SYNJ2: variants seen among roughly 807,000 people sequenced by gnomAD.
The protein encoded by SYNJ2 is synaptojanin 2, also known as polyphosphatidylinositol phosphatase SYNJ2.
A neutral mutation model predicts 141.3 loss-of-function variants in SYNJ2; 116 were observed. That is an observed-to-expected ratio of 0.82 (90% confidence interval 0.71 to 0.96). The LOEUF is 0.96. Ranked by LOEUF, SYNJ2 falls within the 40% of genes least tolerant of loss-of-function variation. The pLI, the probability that SYNJ2 is intolerant of heterozygous loss-of-function variation, is 0.00. For missense variants in SYNJ2, 1,873 were observed against 1,934.8 expected (o/e 0.97, Z 0.60); for synonymous variants, 745 against 777.7 (o/e 0.96, Z 0.70).
At chr6:157,983,017 C>T (rs1202971575) in intron 1 of SYNJ2, among the ~76,000 whole-genome samples, 1 of 152,180 alleles carries the variant, frequency 6.6e-6, no homozygotes, top group Admixed American at 6.5e-5. Context: ...AGAGTAAGCT[C>T]CCACCACTAG....
chr6:158,071,587 A>G lies in SYNJ2; in HGVS notation c.1941-15A>G, dbSNP rs1178827642. 1 of 1,611,936 alleles carries G rather than the reference A, an allele frequency of 6.2e-7. No individual in the cohort carries two copies. Among genetic ancestry groups the G allele is most frequent in the Non-Finnish European group, 8.5e-7 (1 of 1,179,040 alleles). ...CTTCAGGAGCCGACGGCATGCGCGT[A>G]TCCTTCTGTTCCAGGGACGTAGCCA... is the stretch of plus-strand genomic sequence containing the variant. On this transcript the variant is annotated splice_polypyrimidine_tract_variant and intron_variant, in intron 14 of 26. Transcript: ENST00000355585. This position sits in a 1 kb window ranked among gnomAD's most constrained non-coding sequence, Gnocchi z 4.3.
rs1780047471 is a variant in SYNJ2, at chr6:158,043,223, G to T, written c.712-93G>T. 2.7e-6 allele frequency: 3 copies of T among 1,091,172 alleles called. No homozygotes were observed. In the South Asian group the frequency reaches 4.0e-5, roughly 15 times the overall value. 67.6% of individuals were successfully genotyped at this position (1,091,172 alleles called of 1,614,324 possible). A position where few individuals can be genotyped will look rare whatever the true frequency, so the allele number is the denominator to read the frequency against. On this transcript the variant is annotated intron_variant, in intron 4 of 26. Transcript: ENST00000355585. This position sits in a 1 kb window ranked among gnomAD's most constrained non-coding sequence, Gnocchi z 4.0. ...CCGTCCGCCCTTCATTCTGGCTGGTGTCGGGTCACAGGTGGCCGGATCCCG... is the reference window on the plus strand; with the variant it reads ...CCGTCCGCCCTTCATTCTGGCTGGTTTCGGGTCACAGGTGGCCGGATCCCG...
rs532576800 is a variant in SYNJ2 at position 157,982,752 on chromosome 6, TCTA to T, written c.127+668_127+670del. ...CGTGATCTCACTTAATTCTCACAAT[TCTA>T]CTAAAAAGCTATTATTATCCCCATT... On this transcript the variant is annotated intron_variant, in intron 1 of 26. Coordinates refer to ENST00000355585, the MANE Select transcript of SYNJ2 (RefSeq NM_003898.4). This position sits in a 1 kb window ranked among gnomAD's most constrained non-coding sequence, Gnocchi z 4.0. 1.1e-4 allele frequency among the ~76,000 whole-genome samples: 17 copies of T among 152,364 alleles called. No individual in the cohort carries two copies. The highest frequency in any genetic ancestry group is 2.2e-4 in the Non-Finnish European group (15 of 68,040).
In SYNJ2 at chr6:158,028,924, T is replaced by G; in HGVS notation, c.383T>G (p.Val128Gly). 1 of 1,613,676 alleles carries G rather than the reference T, an allele frequency of 6.2e-7. No individual in the cohort carries two copies. ...TTGAAGAAAATCCTCAGCTCGGGGGTGTTCTATTTCTCATGGCCAAACGAT... is the reference window on the plus strand; with the variant it reads ...TTGAAGAAAATCCTCAGCTCGGGGGGGTTCTATTTCTCATGGCCAAACGAT... The part of the protein sequence containing the change: ...IALKKILSSG[V>G]FYFSWPNDGS... The change falls in exon 3 of 27, where the codon GTG becomes GGG. Residue 128 changes from valine (V) to glycine (G), a missense_variant. Physicochemically the swap from Val to Gly is moderately radical, Grantham distance 109. Coordinates refer to ENST00000355585, the MANE Select transcript of SYNJ2 (RefSeq NM_003898.4).
chr6:158,040,742 GCT>G lies in SYNJ2; in HGVS notation c.712-2569_712-2568del, dbSNP rs961770172. 5.9e-5 allele frequency among the ~76,000 whole-genome samples: 9 copies of G among 152,122 alleles called. No homozygotes were observed. Among genetic ancestry groups the G allele is most frequent in the African/African-American group, 2.2e-4 (9 of 41,422 alleles). On this transcript the variant is annotated intron_variant, in intron 4 of 26. Transcript: ENST00000355585. This position sits in a 1 kb window ranked among gnomAD's most constrained non-coding sequence, Gnocchi z 4.2. ...CCCCTGTGAGTTTTCCTGCCTCGTC[GCT>G]CTCTTTTTATGGCCATTAGGTTTCT... is the stretch of plus-strand genomic sequence containing the variant.
chr6:158,043,590 G>A lies in SYNJ2; in HGVS notation c.795+191G>A, dbSNP rs2128344957. On this transcript the variant is annotated intron_variant, in intron 5 of 26. Coordinates refer to ENST00000355585, the MANE Select transcript of SYNJ2 (RefSeq NM_003898.4). The surrounding 1 kb of genome is among the most constrained non-coding windows in gnomAD (Gnocchi z 4.0). ...TGTGTGCATATGCATGCGTGCGTGT[G>A]TGTAGAAAACACAGACACCACTTTG... Among the ~76,000 whole-genome samples the A allele has an allele frequency of 6.6e-6, 1 of 152,332 alleles. No individual in the cohort carries two copies. The highest frequency in any genetic ancestry group is 2.1e-4 in the South Asian group (1 of 4,830).
rs377245636 is a variant in SYNJ2 at position 158,086,951 on chromosome 6, C to T, written c.3305C>T (p.Pro1102Leu). The T allele has an allele frequency of 2.8e-5, 45 of 1,603,424 alleles. No individual in the cohort carries two copies. Among genetic ancestry groups the T allele is most frequent in the African/African-American group, 1.6e-4 (12 of 74,784 alleles). The change falls in exon 23 of 27, where the codon CCT becomes CTT. Residue 1102 changes from proline to leucine, a missense_variant. Pro to Leu is a moderately conservative substitution (Grantham distance 98, BLOSUM62 -3). Transcript: ENST00000355585. ...AGGTCTCTGTCGGTCCCCAACCGGCCTCGGCCACCTCAACCCCCGCAGAGA... is the reference window on the plus strand; with the variant it reads ...AGGTCTCTGTCGGTCCCCAACCGGCTTCGGCCACCTCAACCCCCGCAGAGA... ...PSRSLSVPNR[P>L]RPPQPPQRPP...
intron 16 of SYNJ2, 105 bp downstream of exon 16, chr6:158,074,843 C>G (rs1028905321): frequency 2.2e-6 from 3 of 1,337,534 alleles, no homozygotes; most frequent in Non-Finnish European, 3.1e-6. Flanking sequence ...GAGTGGATTT[C>G]ACTGTTTCCA....
At position 158,064,820 on chromosome 6, in the gene SYNJ2, C is replaced by T. The variant is rs771881226; in HGVS notation, c.1360-6C>T. The T allele has an allele frequency of 8.1e-6, 13 of 1,608,450 alleles. No individual in the cohort carries two copies. Among genetic ancestry groups the T allele is most frequent in the Middle Eastern group, 1.7e-4 (1 of 6,042 alleles). ...CCTCACGGCCTGCGGTCTGGGCTCTCGGCAGGTGGGGAAGCTGAAGGATGG... is the reference window on the plus strand; with the variant it reads ...CCTCACGGCCTGCGGTCTGGGCTCTTGGCAGGTGGGGAAGCTGAAGGATGG... On this transcript the variant is annotated splice_polypyrimidine_tract_variant and splice_region_variant and intron_variant, in intron 10 of 26. Coordinates refer to ENST00000355585, the MANE Select transcript of SYNJ2 (RefSeq NM_003898.4).
chr6:158,017,768 G>A (rs1288120165), intron 2 of SYNJ2: 1 of 532,488 alleles, frequency 1.9e-6, no homozygotes, highest in Non-Finnish European at 3.9e-6. Flanking sequence ...TGCTCCTCCT[G>A]CAGGAACCTG....
intron 1 of SYNJ2, among the ~76,000 whole-genome samples, chr6:158,014,625 G>A (rs1778380398): frequency 6.6e-6 from 1 of 152,272 alleles, no homozygotes; most frequent in Admixed American, 6.5e-5. Flanking sequence ...GAGAAATGGA[G>A]GAAGGGAGGT....
intron 13 of SYNJ2, among the ~76,000 whole-genome samples, 174 bp downstream of exon 13, chr6:158,068,902 A>G (rs970934809): frequency 4.0e-5 from 6 of 151,754 alleles, no homozygotes; most frequent in African/African-American, 1.5e-4. Flanking sequence ...CACATGCACC[A>G]CCCCGTTCTT....
intron 4 of SYNJ2, among the ~76,000 whole-genome samples, chr6:158,041,110 C>T (rs7760946): frequency 0.061 from 9,334 of 152,196 alleles, 995 homozygotes; most frequent in African/African-American, 0.21. Context: ...ATCCCTTCTC[C>T]GTGCACAAGG....
intron 2 of SYNJ2, among the ~76,000 whole-genome samples, chr6:158,023,264 T>TA (rs112882268): frequency 3.4e-3 from 432 of 125,342 alleles, no homozygotes; most frequent in South Asian, 5.1e-3. Context: ...TCTCTAAATT[T>TA]AAAAAAAAAA....
In SYNJ2 at chr6:158,061,988, T is replaced by G; in HGVS notation, c.955-4T>G. On this transcript the variant is annotated splice_region_variant and splice_polypyrimidine_tract_variant and intron_variant, in intron 7 of 26. Coordinates refer to ENST00000355585, the MANE Select transcript of SYNJ2 (RefSeq NM_003898.4). Reference sequence around the variant, plus strand: ...CCCTCACCGCCCTCCCCTCCTCTTTTCAGAAGCTGCTCTGGGCTTCTTGCC... The same window carrying G: ...CCCTCACCGCCCTCCCCTCCTCTTTGCAGAAGCTGCTCTGGGCTTCTTGCC... The G allele has an allele frequency of 1.2e-6, 2 of 1,613,452 alleles. No homozygotes were observed. Among genetic ancestry groups the G allele is most frequent in the Middle Eastern group, 3.4e-4 (2 of 5,950 alleles).
intron 18 of SYNJ2, among the ~76,000 whole-genome samples, chr6:158,079,782 A>T (rs536166174): frequency 2.6e-5 from 4 of 152,242 alleles, no homozygotes; most frequent in African/African-American, 9.6e-5. Flanking sequence ...GTATTTTGAA[A>T]CCTTAATTTA....
intron 3 of SYNJ2, among the ~76,000 whole-genome samples, chr6:158,032,086 C>T (rs1251297807): frequency 6.6e-6 from 1 of 151,992 alleles, no homozygotes; most frequent in Non-Finnish European, 1.5e-5. Context: ...AGCAGAGGAG[C>T]GCTGTGGCTG....
At chr6:158,041,134 A>T (rs1779926384) in intron 4 of SYNJ2, among the ~76,000 whole-genome samples, 1 of 152,114 alleles carries the variant, frequency 6.6e-6, no homozygotes, top group Non-Finnish European at 1.5e-5. Context: ...CATGAACTTC[A>T]TGTAGAGAGA....
rs60234675 is a variant in SYNJ2 at position 158,081,605 on chromosome 6, CTTTTTTTTTTTTTTT to C, written c.2865+111_2865+125del. The stretch of plus-strand genomic sequence containing the variant: ...TTCCTCCTCTTGCCCTGACCTGTGC[CTTTTTTTTTTTTTTT>C]TTTTTTTTTTTTTTTCTCTGAGACA... On this transcript the variant is annotated intron_variant, in intron 20 of 26. Coordinates refer to ENST00000355585, the MANE Select transcript of SYNJ2 (RefSeq NM_003898.4). 3.2e-4 allele frequency: 68 copies of C among 213,284 alleles called. No homozygotes were observed. In the East Asian group the frequency reaches 6.1e-3, roughly 19 times the overall value. 13.2% of individuals were successfully genotyped at this position (213,284 alleles called of 1,614,324 possible). A position where few individuals can be genotyped will look rare whatever the true frequency, so the allele number is the denominator to read the frequency against.
Sources: gnomAD v4.1 joint callset for allele counts (sites outside exome capture counted in the v4.1 genomes callset) on GRCh38, gnomAD v4.1.1 for gene constraint, Gnocchi (gnomAD v3.1) non-coding constraint, MANE v1.5 for transcripts, NCBI Gene and HGNC (gene_info 2026-07-23, HGNC 2026-07-21) for gene names.